The following ATL1 variants were observed in gnomAD, a reference collection of about 807,000 sequenced individuals.
ATL1 encodes atlastin-1.
A neutral mutation model predicts 75.5 loss-of-function variants in ATL1; 31 were observed. The observed-to-expected ratio is 0.41, with a 90% CI of 0.31 to 0.55. The LOEUF (loss-of-function observed/expected upper bound fraction) is 0.55. ATL1 is among the 20% of genes least tolerant of loss of function. The probability of loss-of-function intolerance (pLI) is 0.27; values close to 1 mark genes in which losing one functional copy is unlikely to be tolerated. For missense variants in ATL1, 405 were observed against 662.6 expected, an observed-to-expected ratio of 0.61 and a Z score of 4.27; for synonymous variants, 226 against 233.3, an observed-to-expected ratio of 0.97 and a Z score of 0.28.
At chr14:50,584,742 A>G (rs546826887) in intron 1 of ATL1, among the ~76,000 whole-genome samples, 1 of 151,572 alleles carries the variant, frequency 6.6e-6, no homozygotes, top group East Asian at 1.9e-4. Flanking sequence ...AAATAAAATA[A>G]AATAAAATAG....
intron 1 of ATL1, among the ~76,000 whole-genome samples, chr14:50,543,543 G>T (rs1263953790): frequency 6.6e-6 from 1 of 152,182 alleles, no homozygotes; most frequent in Non-Finnish European, 1.5e-5. Flanking sequence ...AAGTGTGGCA[G>T]CAGAGTCATG....
intron 1 of ATL1, among the ~76,000 whole-genome samples, chr14:50,567,343 A>G (rs936102168): frequency 2.6e-5 from 4 of 152,272 alleles, no homozygotes; most frequent in South Asian, 4.1e-4. Flanking sequence ...AGTATACACC[A>G]CATTTTTTTA....
intron 1 of ATL1, among the ~76,000 whole-genome samples, chr14:50,573,689 A>G (rs985529830): frequency 6.6e-6 from 1 of 152,030 alleles, no homozygotes; most frequent in Non-Finnish European, 1.5e-5. Context: ...CTGATTTTGG[A>G]CTGCTTTATC....
At chr14:50,570,117 AC>A (rs2038940767) in intron 1 of ATL1, among the ~76,000 whole-genome samples, 1 of 152,188 alleles carries the variant, frequency 6.6e-6, no homozygotes, top group Non-Finnish European at 1.5e-5. Context: ...CTATTATTCT[AC>A]AAATAATCTC....
intron 13 of ATL1, chr14:50,630,952 A>G (rs753159031): frequency 5.0e-5 from 23 of 455,504 alleles, no homozygotes; most frequent in Non-Finnish European, 8.8e-5. Flanking sequence ...GGTACCATAC[A>G]GACGTAATGC....
chr14:50,547,303 G>T (rs1223545114), intron 1 of ATL1, among the ~76,000 whole-genome samples: 1 of 152,092 alleles, frequency 6.6e-6, no homozygotes, highest in Admixed American at 6.5e-5. Flanking sequence ...GGTACTCAGT[G>T]AATGTCTGAG....
rs774635981 is a variant in ATL1 at position 50,593,940 on chromosome 14, A to C, written c.573+44A>C. 20 of 1,355,964 alleles carry C rather than the reference A, an allele frequency of 1.5e-5. No homozygotes were observed. In the South Asian group the frequency reaches 2.2e-4, roughly 15 times the overall value. 84.0% of individuals were successfully genotyped at this position (1,355,964 alleles called of 1,614,324 possible). A position where few individuals can be genotyped will look rare whatever the true frequency, so the allele number is the denominator to read the frequency against. On this transcript the variant is annotated intron_variant, in intron 5 of 13. Coordinates refer to ENST00000358385, the MANE Select transcript of ATL1 (RefSeq NM_015915.5). ...TTTTTTGTGTATCTGGTAGTCTTTG[A>C]AACATGTATAGCAGAACTTTGGGGA...
chr14:50,563,297 T>A (rs1223375382), intron 1 of ATL1, among the ~76,000 whole-genome samples: 3 of 152,180 alleles, frequency 2.0e-5, no homozygotes, highest in Non-Finnish European at 2.9e-5. Flanking sequence ...GAATCTGGGT[T>A]TTTTTCCTAA....
chr14:50,609,204 G>A (rs530861944), intron 6 of ATL1, among the ~76,000 whole-genome samples: 2 of 152,110 alleles, frequency 1.3e-5, no homozygotes, highest in African/African-American at 4.8e-5. Context: ...ACTAAAGAAT[G>A]AATTTCAGAT....
intron 6 of ATL1, among the ~76,000 whole-genome samples, chr14:50,599,589 C>G (rs1195462160): frequency 1.3e-5 from 2 of 151,956 alleles, no homozygotes; most frequent in African/African-American, 4.8e-5. Context: ...AGAACAGATA[C>G]ATAAAAATAT....
chr14:50,556,447 G>T (rs1376409641), upstream of ATL1, among the ~76,000 whole-genome samples: 1 of 151,940 alleles, frequency 6.6e-6, no homozygotes, highest in Non-Finnish European at 1.5e-5. Flanking sequence ...CGAACTCCTG[G>T]CCTCAAGTGA....
At chr14:50,555,420 T>G (rs2038753973), upstream of ATL1, among the ~76,000 whole-genome samples, 1 of 152,226 alleles carries the variant, frequency 6.6e-6, no homozygotes, top group African/African-American at 2.4e-5. Context: ...TAGCTGGGAC[T>G]ACAGGTGCAC....
At chr14:50,588,161 T>A in intron 2 of ATL1, 83 bp downstream of exon 2, 1 of 1,541,956 alleles carries the variant, frequency 6.5e-7, no homozygotes, top group South Asian at 1.1e-5. Flanking sequence ...TTCAAAATTT[T>A]CATTTCTATT....
intron 1 of ATL1, among the ~76,000 whole-genome samples, chr14:50,544,592 A>G (rs2038604524): frequency 6.6e-6 from 1 of 152,190 alleles, no homozygotes; most frequent in African/African-American, 2.4e-5. Context: ...TTCTGATGTG[A>G]CTAGAATGGC....
intron 1 of ATL1, 140 bp from the exon 2 acceptor site, chr14:50,587,691 G>A (rs2039115196): frequency 8.5e-7 from 1 of 1,175,276 alleles, no homozygotes; most frequent in African/African-American, 1.5e-5. Flanking sequence ...TTACAGGCAT[G>A]AGCCACTGCA....
chr14:50,546,683 T>C (rs2140153731), intron 1 of ATL1, among the ~76,000 whole-genome samples: 1 of 152,324 alleles, frequency 6.6e-6, no homozygotes, highest in African/African-American at 2.4e-5. Context: ...ATGTCAGAGT[T>C]TGACATGAAA....
intron 7 of ATL1, 113 bp downstream of exon 7, chr14:50,613,464 C>G: frequency 1.3e-6 from 1 of 775,586 alleles, no homozygotes; most frequent in Non-Finnish European, 2.3e-6. Flanking sequence ...CATTTGTTAT[C>G]GATATTAATG....
intron 1 of ATL1, among the ~76,000 whole-genome samples, chr14:50,582,786 A>G (rs1193053153): frequency 1.3e-5 from 2 of 152,140 alleles, no homozygotes; most frequent in Non-Finnish European, 2.9e-5. Context: ...GGACAAAATA[A>G]GAAAGGAAAG....
chr14:50,623,835 G>A (rs1173050637), intron 11 of ATL1, among the ~76,000 whole-genome samples: 4 of 152,146 alleles, frequency 2.6e-5, no homozygotes, highest in South Asian at 2.1e-4. Context: ...TGGATTGCCT[G>A]AGGTCAGGAG....
Sources: gnomAD v4.1 joint callset for allele counts (sites outside exome capture counted in the v4.1 genomes callset) on GRCh38, gnomAD v4.1.1 for gene constraint, MANE v1.5 for transcripts, NCBI Gene and HGNC (gene_info 2026-07-23, HGNC 2026-07-21) for gene names.